LGR5: variants seen among roughly 807,000 people sequenced by gnomAD.
The protein encoded by LGR5 is leucine-rich repeat-containing G protein-coupled receptor 5.
In LGR5, 54 loss-of-function variants were observed where a neutral mutation model predicts 76.7. The observed-to-expected ratio is 0.70, with a 90% CI of 0.57 to 0.88. LGR5 has a LOEUF of 0.88. Among genes scored for constraint, LGR5 ranks in the 40% least tolerant of loss-of-function variants. The probability of loss-of-function intolerance (pLI) is 0.00; values close to 1 mark genes in which losing one functional copy is unlikely to be tolerated. For missense variants in LGR5, 1,078 were observed against 1,073.3 expected (o/e 1.00, Z -0.06); for synonymous variants, 406 against 421.9 (o/e 0.96, Z 0.46).
chr12:71,442,331 A>C (rs143121015), intron 1 of LGR5, among the ~76,000 whole-genome samples: 1 of 152,136 alleles, frequency 6.6e-6, no homozygotes, highest in Non-Finnish European at 1.5e-5. Flanking sequence ...AATGTTCCCT[A>C]TCTATCTATA....
intron 1 of LGR5, among the ~76,000 whole-genome samples, chr12:71,491,103 T>A (rs936630279): frequency 6.6e-5 from 10 of 152,204 alleles, no homozygotes; most frequent in Non-Finnish European, 1.5e-4. Flanking sequence ...ATGTAAGACA[T>A]GCCTTTGCTC....
At chr12:71,475,050 A>G (rs1446583452) in intron 1 of LGR5, among the ~76,000 whole-genome samples, 1 of 152,160 alleles carries the variant, frequency 6.6e-6, no homozygotes, top group African/African-American at 2.4e-5. Flanking sequence ...TTGGAATTGC[A>G]AGTAGGGTTC....
intron 1 of LGR5, among the ~76,000 whole-genome samples, chr12:71,461,353 A>G (rs536901404): frequency 8.1e-4 from 124 of 152,294 alleles, no homozygotes; most frequent in Non-Finnish European, 1.5e-3. Context: ...TCAGTTAATT[A>G]TCTTCCAGAC....
chr12:71,491,871 T>C (rs1330170375), intron 1 of LGR5, among the ~76,000 whole-genome samples: 2 of 150,270 alleles, frequency 1.3e-5, no homozygotes, highest in Non-Finnish European at 3.0e-5. Context: ...GGAATTATAA[T>C]TGAATTTGTT....
intron 9 of LGR5, 74 bp downstream of exon 9, chr12:71,566,549 G>A (rs1797373): frequency 0.97 from 1,456,161 of 1,508,920 alleles, 707,519 homozygotes; most frequent in East Asian, 0.99. Flanking sequence ...AATATTATAG[G>A]TTGAAGTGCT....
At chr12:71,456,730 C>G (rs1872494945) in intron 1 of LGR5, among the ~76,000 whole-genome samples, 1 of 152,088 alleles carries the variant, frequency 6.6e-6, no homozygotes, top group African/African-American at 2.4e-5. Flanking sequence ...GACATTTTAG[C>G]TAGAAATTAT....
At chr12:71,513,544 G>T (rs1428874481) in intron 2 of LGR5, among the ~76,000 whole-genome samples, 1 of 152,172 alleles carries the variant, frequency 6.6e-6, no homozygotes, top group Non-Finnish European at 1.5e-5. Context: ...TACATAGTGT[G>T]AGCAAATAAC....
Position 71,569,459 on chromosome 12 carries a change from A to G in LGR5, c.1071-2055A>G, listed in dbSNP as rs551690560. On this transcript the variant is annotated intron_variant, in intron 11 of 17. Transcript: ENST00000266674. ...ATCTACAAGGAACTTAAGCAAATTT[A>G]CAAGAAAAAAACAACCCCATTAAAA... Among the ~76,000 whole-genome samples, 10 of 152,352 alleles carry G rather than the reference A, an allele frequency of 6.6e-5. No homozygotes were observed. In the East Asian group the frequency reaches 1.9e-3, roughly 29 times the overall value.
intron 1 of LGR5, among the ~76,000 whole-genome samples, chr12:71,477,145 G>C (rs532363530): frequency 6.6e-6 from 1 of 152,078 alleles, no homozygotes. Context: ...AAAATAGGAA[G>C]ATCCACTGAA....
At chr12:71,481,446 A>G (rs1267967129) in intron 1 of LGR5, among the ~76,000 whole-genome samples, 2 of 152,202 alleles carry the variant, frequency 1.3e-5, no homozygotes, top group Non-Finnish European at 2.9e-5. Context: ...TTATGGCTGC[A>G]TAGTATTCCA....
intron 13 of LGR5, among the ~76,000 whole-genome samples, chr12:71,575,797 A>G (rs187747513): frequency 6.6e-6 from 1 of 151,588 alleles, no homozygotes; most frequent in Non-Finnish European, 1.5e-5. Flanking sequence ...ACATATGTTC[A>G]TTGCAGCACT....
chr12:71,527,218 A>G (rs1876053748), intron 3 of LGR5, among the ~76,000 whole-genome samples: 1 of 152,226 alleles, frequency 6.6e-6, no homozygotes, highest in African/African-American at 2.4e-5. Context: ...TTGCTGACCT[A>G]AAGACTAATA....
At chr12:71,547,014 C>T (rs985148621) in intron 4 of LGR5, among the ~76,000 whole-genome samples, 1 of 152,146 alleles carries the variant, frequency 6.6e-6, no homozygotes, top group African/African-American at 2.4e-5. Context: ...TGAGCAGCAG[C>T]GCCTCTTGAG....
At chr12:71,563,679 T>C (rs1266922890) in intron 8 of LGR5, among the ~76,000 whole-genome samples, 2 of 152,178 alleles carry the variant, frequency 1.3e-5, no homozygotes, top group Non-Finnish European at 2.9e-5. Context: ...ATTCCCTCAC[T>C]ATGCTTCTTG....
At chr12:71,477,512 A>G (rs1873391905) in intron 1 of LGR5, among the ~76,000 whole-genome samples, 1 of 150,018 alleles carries the variant, frequency 6.7e-6, no homozygotes, top group Non-Finnish European at 1.5e-5. Context: ...TGTGATAATA[A>G]AATATACATT....
In LGR5 at chr12:71,585,757, C is replaced by T. The variant is rs1879292542; in HGVS notation, c.*1023C>T. On this transcript the variant is annotated 3_prime_UTR_variant, in exon 18 of 18. Coordinates refer to ENST00000266674, the MANE Select transcript of LGR5 (RefSeq NM_003667.4). ...CTGACACCACTTTGGACTCAAGAGA[C>T]TCAGTAACGTATTATCCTGTTTATT... The T allele has an allele frequency of 6.6e-6, 1 of 152,216 alleles. No individual in the cohort carries two copies. The highest frequency in any genetic ancestry group is 2.1e-4 in the South Asian group (1 of 4,834). 9.4% of individuals were successfully genotyped at this position (152,216 alleles called of 1,614,324 possible).
intron 2 of LGR5, among the ~76,000 whole-genome samples, chr12:71,509,988 T>C (rs1041089270): frequency 1.3e-5 from 2 of 152,198 alleles, no homozygotes; most frequent in Non-Finnish European, 2.9e-5. Flanking sequence ...TCTAGGCTTG[T>C]TACTTCTACT....
At chr12:71,556,276 A>G (rs1238752116) in intron 5 of LGR5, among the ~76,000 whole-genome samples, 2 of 152,064 alleles carry the variant, frequency 1.3e-5, no homozygotes, top group African/African-American at 2.4e-5. Flanking sequence ...CCATGACACA[A>G]GTTTACCTAC....
chr12:71,530,485 C>T (rs1876249383), intron 3 of LGR5, among the ~76,000 whole-genome samples: 1 of 152,118 alleles, frequency 6.6e-6, no homozygotes, highest in Non-Finnish European at 1.5e-5. Context: ...AATCTTGATC[C>T]AGTCTATTAA....
Sources: allele counts gnomAD v4.1 joint callset (sites outside exome capture counted in the v4.1 genomes callset), GRCh38; gene constraint gnomAD v4.1.1; transcripts MANE v1.5; gene names NCBI Gene and HGNC (gene_info 2026-07-23, HGNC 2026-07-21).